ADRA1A: variants seen among roughly 807,000 people sequenced by gnomAD.
The protein encoded by ADRA1A is alpha-1A adrenergic receptor.
Under a neutral mutation model 29.6 loss-of-function variants are expected in ADRA1A, and 31 were observed. The observed-to-expected ratio is 1.05, with a 90% CI of 0.79 to 1.41. ADRA1A has a LOEUF of 1.41. ADRA1A is among the 40% of genes most tolerant of loss of function. The probability of loss-of-function intolerance (pLI) is 0.00; values close to 1 mark genes in which losing one functional copy is unlikely to be tolerated. For missense variants in ADRA1A, 619 were observed against 601.1 expected (o/e 1.03, Z -0.31); for synonymous variants, 311 against 254.3 (o/e 1.22, Z -2.12).
At position 26,864,306 on chromosome 8, in the gene ADRA1A, G is replaced by T. The variant is rs1324162537; in HGVS notation, c.664C>A (p.Leu222Ile). ...TCCGAGTCCGACTTGTCGGTCTTGA[G>T]GCCAGACTTGAGGCCCCGGCTCTCC... is the stretch of plus-strand genomic sequence containing the variant. ...KRESRGLKSGLKTDKSDSEQV... is the reference protein window; with the variant it reads ...KRESRGLKSGIKTDKSDSEQV... The change falls in exon 2 of 3, where the codon CTC becomes ATC. Residue 222 changes from leucine to isoleucine, a missense_variant. Physicochemically the swap from Leu to Ile is conservative, Grantham distance 5 (BLOSUM62 2). Coordinates refer to ENST00000380573, the MANE Select transcript of ADRA1A (RefSeq NM_000680.4). The surrounding 1 kb of genome is among the most constrained non-coding windows in gnomAD (Gnocchi z 8.1). The T allele has an allele frequency of 6.2e-7, 1 of 1,614,128 alleles. No homozygotes were observed. Among genetic ancestry groups the T allele is most frequent in the South Asian group, 1.1e-5 (1 of 91,086 alleles).
intron 2 of ADRA1A, among the ~76,000 whole-genome samples, chr8:26,786,749 G>C (rs1048163243): frequency 2.6e-5 from 4 of 151,950 alleles, no homozygotes; most frequent in South Asian, 2.1e-4. Context: ...TGGGTTGGGG[G>C]GGGGGGTCTC....
At chr8:26,824,622 T>A (rs1479299490) in intron 2 of ADRA1A, among the ~76,000 whole-genome samples, 2 of 152,146 alleles carry the variant, frequency 1.3e-5, no homozygotes, top group Non-Finnish European at 2.9e-5. Context: ...TTCCTCCCTT[T>A]TTGCTCAATG....
rs1456653412 is a variant in ADRA1A at position 26,787,938 on chromosome 8, A to G, written c.884-17272T>C. Among the ~76,000 whole-genome samples, 1 of 150,554 alleles carries G rather than the reference A, an allele frequency of 6.6e-6. No homozygotes were observed. Among genetic ancestry groups the G allele is most frequent in the Non-Finnish European group, 1.5e-5 (1 of 67,770 alleles). ...TTTTTTTTTTTAACATTTGGGGATAATTTCCAAGGTCAGAAACCGGACATT... is the reference window on the plus strand; with the variant it reads ...TTTTTTTTTTTAACATTTGGGGATAGTTTCCAAGGTCAGAAACCGGACATT... On this transcript the variant is annotated intron_variant, in intron 2 of 2. Transcript: ENST00000380573. This position sits in a 1 kb window ranked among gnomAD's most constrained non-coding sequence, Gnocchi z 4.2.
chr8:26,849,676 C>A (rs1812467966), intron 2 of ADRA1A, among the ~76,000 whole-genome samples: 2 of 152,166 alleles, frequency 1.3e-5, no homozygotes. Context: ...AGGTCACCCT[C>A]TATGAGGTTG....
intron 2 of ADRA1A, among the ~76,000 whole-genome samples, chr8:26,838,397 C>A (rs1347554950): frequency 1.3e-5 from 2 of 152,194 alleles, no homozygotes; most frequent in Non-Finnish European, 2.9e-5. Flanking sequence ...CACCCCGCTG[C>A]TCATCTGAAA....
In ADRA1A at chr8:26,769,486, A is replaced by G; in HGVS notation, c.*663T>C. 5 of 985,410 alleles carry G rather than the reference A, an allele frequency of 5.1e-6. No individual in the cohort carries two copies. Among genetic ancestry groups the G allele is most frequent in the Non-Finnish European group, 6.0e-6 (5 of 829,922 alleles). The allele number at this position is 985,410 out of a possible 1,614,324, so 61.0% of individuals were successfully genotyped here. A position where few individuals can be genotyped will look rare whatever the true frequency, so the allele number is the denominator to read the frequency against. On this transcript the variant is annotated 3_prime_UTR_variant, in exon 3 of 3. Transcript: ENST00000380573. The stretch of plus-strand genomic sequence containing the variant: ...TCCTGACCCAAGGATAGAGAACACT[A>G]CATTCCAAGACATCATGAGTGCCCC...
chr8:26,830,878 G>T (rs186863090), intron 2 of ADRA1A, among the ~76,000 whole-genome samples: 106 of 152,266 alleles, frequency 7.0e-4, no homozygotes, highest in Non-Finnish European at 1.1e-3. Flanking sequence ...CCCAGATGAG[G>T]TTAGGGTCAT....
intron 2 of ADRA1A, among the ~76,000 whole-genome samples, chr8:26,856,960 T>A (rs935676599): frequency 1.1e-4 from 16 of 152,182 alleles, no homozygotes; most frequent in Non-Finnish European, 2.2e-4. Context: ...GTGAGGTCGG[T>A]GATCTGCAAG....
At chr8:26,765,905 C>T (rs1805751967), downstream of ADRA1A, 1 of 1,437,600 alleles carries the variant, frequency 7.0e-7, no homozygotes, top group Admixed American at 2.7e-5. Context: ...GTTCTCACTA[C>T]CAGGTCTTAA....
chr8:26,807,155 C>G (rs540086852), intron 2 of ADRA1A, among the ~76,000 whole-genome samples: 1 of 152,100 alleles, frequency 6.6e-6, no homozygotes, highest in Non-Finnish European at 1.5e-5. Flanking sequence ...AAATCTAACC[C>G]CTTTCCATTA....
At chr8:26,849,223 G>A (rs1812437649) in intron 2 of ADRA1A, among the ~76,000 whole-genome samples, 1 of 152,214 alleles carries the variant, frequency 6.6e-6, no homozygotes, top group African/African-American at 2.4e-5. Context: ...AGACGGGAAA[G>A]ACGGAATGGC....
rs925228826 is a variant in ADRA1A, at chr8:26,757,515, C to CT, written c.1270-737_1270-736insA. On this transcript the variant is annotated intron_variant, in intron 2 of 2. Coordinates refer to the ADRA1A transcript ENST00000380582. ...GTCTGTCCCTTTTGCTTCCATTTCC[C>CT]CCACCCCCCACCTCTGCTCCATCAG... Among the ~76,000 whole-genome samples the CT allele has an allele frequency of 2.4e-4, 36 of 150,524 alleles. No individual in the cohort carries two copies. The South Asian group carries it at 6.5e-3, about 27-fold the overall frequency.
At position 26,769,026 on chromosome 8, in the gene ADRA1A, A is replaced by G. The variant is rs1805946809; in HGVS notation, c.*1123T>C. 4.1e-6 allele frequency: 4 copies of G among 985,336 alleles called. No individual in the cohort carries two copies. The highest frequency in any genetic ancestry group is 9.4e-5 in the South Asian group (2 of 21,292). 61.0% of individuals were successfully genotyped at this position (985,336 alleles called of 1,614,324 possible). On this transcript the variant is annotated 3_prime_UTR_variant, in exon 3 of 3. Coordinates refer to ENST00000380573, the MANE Select transcript of ADRA1A (RefSeq NM_000680.4). The stretch of plus-strand genomic sequence containing the variant: ...GTATTGTCTGAAGCTAAGCATTAGT[A>G]TTTTTCAAAGTTCGGGAATAATGTA...
At chr8:26,811,957 A>G (rs1189286888) in intron 2 of ADRA1A, among the ~76,000 whole-genome samples, 1 of 152,230 alleles carries the variant, frequency 6.6e-6, no homozygotes, top group South Asian at 2.1e-4. Flanking sequence ...TTATTTACCT[A>G]TTCCACAGGT....
intron 2 of ADRA1A, among the ~76,000 whole-genome samples, chr8:26,862,648 G>C (rs540621854): frequency 1.4e-4 from 22 of 152,254 alleles, no homozygotes; most frequent in African/African-American, 4.6e-4. Context: ...AATAATGATG[G>C]GCAGGCACAA....
rs1400789515 is a variant in ADRA1A at position 26,841,371 on chromosome 8, C to A, written c.883+22716G>T. Reference sequence around the variant, plus strand: ...CTGTCTGAGCCACCAAAGCCTACCCCACCCTTGCACCTCCTTTCTTACTCC... The same window carrying A: ...CTGTCTGAGCCACCAAAGCCTACCCAACCCTTGCACCTCCTTTCTTACTCC... On this transcript the variant is annotated intron_variant, in intron 2 of 2. Transcript: ENST00000380573. This position sits in a 1 kb window ranked among gnomAD's most constrained non-coding sequence, Gnocchi z 4.4. Among the ~76,000 whole-genome samples, 1 of 152,168 alleles carries A rather than the reference C, an allele frequency of 6.6e-6. No individual in the cohort carries two copies. Among genetic ancestry groups the A allele is most frequent in the Non-Finnish European group, 1.5e-5 (1 of 68,042 alleles).
chr8:26,829,101 G>C (rs1287049507), intron 2 of ADRA1A, among the ~76,000 whole-genome samples: 1 of 152,156 alleles, frequency 6.6e-6, no homozygotes, highest in Non-Finnish European at 1.5e-5. Context: ...TGACTGCTGG[G>C]AGCTGGGAAA....
Position 26,866,919 on chromosome 8 carries a change from G to A in ADRA1A, c.-687+17C>T. The A allele has an allele frequency of 3.0e-6, 3 of 985,416 alleles. No homozygotes were observed. The highest frequency in any genetic ancestry group is 3.6e-6 in the Non-Finnish European group (3 of 829,970). The allele number at this position is 985,416 out of a possible 1,614,324, so 61.0% of individuals were successfully genotyped here. On this transcript the variant is annotated intron_variant, in intron 1 of 2. Coordinates refer to ENST00000380573, the MANE Select transcript of ADRA1A (RefSeq NM_000680.4). This position sits in a 1 kb window ranked among gnomAD's most constrained non-coding sequence, Gnocchi z 5.7. ...CACCCACTCGGCCCTGCGGGACGCC[G>A]GCCCCGGCGCACTCACCTGAAGCGC...
In ADRA1A at chr8:26,865,779, C is replaced by T; in HGVS notation, c.-686-124G>A. On this transcript the variant is annotated intron_variant, in intron 1 of 2. Transcript: ENST00000380573. This position sits in a 1 kb window ranked among gnomAD's most constrained non-coding sequence, Gnocchi z 7.6. Reference sequence around the variant, plus strand: ...GGTTGGTTCTGCGGTCCAGAAGCTGCTTCGCCCGGCAGCGGTGGAGGCGAC... The same window carrying T: ...GGTTGGTTCTGCGGTCCAGAAGCTGTTTCGCCCGGCAGCGGTGGAGGCGAC... 1 of 923,760 alleles carries T rather than the reference C, an allele frequency of 1.1e-6. No homozygotes were observed. Among genetic ancestry groups the T allele is most frequent in the Non-Finnish European group, 1.3e-6 (1 of 773,932 alleles). The allele number at this position is 923,760 out of a possible 1,614,324, so 57.2% of individuals were successfully genotyped here.
Sources: gnomAD v4.1 joint callset for allele counts (sites outside exome capture counted in the v4.1 genomes callset) on GRCh38, gnomAD v4.1.1 for gene constraint, Gnocchi (gnomAD v3.1) non-coding constraint, MANE v1.5 for transcripts, NCBI Gene and HGNC (gene_info 2026-07-23, HGNC 2026-07-21) for gene names.